ACVR1C: variants seen among roughly 807,000 people sequenced by gnomAD.
ACVR1C encodes the protein activin A receptor type 1C, also known as activin receptor type-1C.
Under a neutral mutation model 57.9 loss-of-function variants are expected in ACVR1C, and 23 were observed. That is an observed-to-expected ratio of 0.40 (90% CI 0.29 to 0.56). ACVR1C has a LOEUF of 0.56. ACVR1C is among the 20% of genes least tolerant of loss of function. The probability of loss-of-function intolerance (pLI) is 0.50; values close to 1 mark genes in which losing one functional copy is unlikely to be tolerated. For missense variants in ACVR1C, 480 were observed against 607.9 expected, an observed-to-expected ratio of 0.79 and a Z score of 2.21; for synonymous variants, 214 against 215.3, an observed-to-expected ratio of 0.99 and a Z score of 0.05.
chr2:157,615,897 G>T (rs1291156882), intron 1 of ACVR1C, among the ~76,000 whole-genome samples: 1 of 152,142 alleles, frequency 6.6e-6, no homozygotes, highest in Non-Finnish European at 1.5e-5. Context: ...TATGTAAGAG[G>T]TATTTTTTAA....
At chr2:157,552,363 C>T (rs1457102147) in intron 3 of ACVR1C, among the ~76,000 whole-genome samples, 1 of 152,148 alleles carries the variant, frequency 6.6e-6, no homozygotes, top group Non-Finnish European at 1.5e-5. Flanking sequence ...GAACTCCTGA[C>T]CTCAAGTGAT....
intron 1 of ACVR1C, among the ~76,000 whole-genome samples, chr2:157,609,649 T>C (rs1380905382): frequency 1.3e-5 from 2 of 151,900 alleles, no homozygotes; most frequent in African/African-American, 2.4e-5. Flanking sequence ...TCTGGGTACA[T>C]ACATACTTAG....
At chr2:157,541,267 T>A in intron 6 of ACVR1C, 53 bp from the exon 7 acceptor site, 1 of 1,544,646 alleles carries the variant, frequency 6.5e-7, no homozygotes, top group Non-Finnish European at 8.7e-7. Context: ...AGCAGTCCAG[T>A]AAAACAATCT....
At chr2:157,617,003 T>C (rs1682667890) in intron 1 of ACVR1C, among the ~76,000 whole-genome samples, 1 of 152,058 alleles carries the variant, frequency 6.6e-6, no homozygotes, top group Non-Finnish European at 1.5e-5. Flanking sequence ...AACATCTTAA[T>C]TACTGTCCAA....
chr2:157,538,801 C>G (rs1687548769), intron 7 of ACVR1C, 98 bp from the exon 8 acceptor site: 7 of 1,000,890 alleles, frequency 7.0e-6, no homozygotes, highest in Non-Finnish European at 8.0e-6. Context: ...ACAAGTGACA[C>G]CCCAGGGAAC....
chr2:157,548,973 T>C (rs1687839861), intron 4 of ACVR1C, among the ~76,000 whole-genome samples: 1 of 152,200 alleles, frequency 6.6e-6, no homozygotes, highest in Non-Finnish European at 1.5e-5. Flanking sequence ...CCTAACAAAG[T>C]TGAACATTCA....
At chr2:157,589,169 T>C (rs1689003608) in intron 1 of ACVR1C, among the ~76,000 whole-genome samples, 1 of 151,844 alleles carries the variant, frequency 6.6e-6, no homozygotes, top group African/African-American at 2.4e-5. Flanking sequence ...AAGCATTTGC[T>C]TTTCACCATA....
At chr2:157,551,312 A>G (rs548188225) in intron 3 of ACVR1C, among the ~76,000 whole-genome samples, 1 of 152,316 alleles carries the variant, frequency 6.6e-6, no homozygotes, top group South Asian at 2.1e-4. Context: ...ATTAATAAGC[A>G]TGTTCAGCAC....
chr2:157,566,903 T>A (rs538452566), intron 2 of ACVR1C, among the ~76,000 whole-genome samples: 1 of 150,522 alleles, frequency 6.6e-6, no homozygotes, highest in African/African-American at 2.4e-5. Context: ...AGGCTCCACC[T>A]CTGGGGGCAG....
intron 1 of ACVR1C, among the ~76,000 whole-genome samples, chr2:157,601,633 C>A (rs749731057): frequency 6.6e-6 from 1 of 152,120 alleles, no homozygotes; most frequent in South Asian, 2.1e-4. Context: ...AAGAAACAAA[C>A]GAAAACCTTG....
intron 1 of ACVR1C, among the ~76,000 whole-genome samples, chr2:157,596,503 G>A (rs1378082406): frequency 3.9e-5 from 6 of 152,086 alleles, no homozygotes; most frequent in Admixed American, 6.5e-5. Flanking sequence ...TATGCATAGT[G>A]ATGTTCTCAT....
At chr2:157,576,079 A>G (rs1249022215) in intron 2 of ACVR1C, among the ~76,000 whole-genome samples, 1 of 152,048 alleles carries the variant, frequency 6.6e-6, no homozygotes, top group Non-Finnish European at 1.5e-5. Flanking sequence ...AATAATTATA[A>G]ATGTCCATGT....
At position 157,550,380 on chromosome 2, in the gene ACVR1C, A is replaced by T; in HGVS notation, c.557T>A (p.Leu186Ter). Reference protein sequence around the residue: ...ASGSGSGLPLLVQRTIARTIV... With the variant: ...ASGSGSGLPL ...CGTCCTTGCAATTGTCCTTTGAACC[A>T]ACAGAGGTAGACCTAACCAAAGAAA... The change falls in exon 4 of 9, where the codon TTG becomes TAG. Residue 186 changes from leucine to a stop codon, truncating the protein, a stop_gained. Transcript: ENST00000243349. LOFTEE classifies it high-confidence loss of function. The T allele has an allele frequency of 6.2e-7, 1 of 1,614,170 alleles. No individual in the cohort carries two copies. Among genetic ancestry groups the T allele is most frequent in the Non-Finnish European group, 8.5e-7 (1 of 1,180,010 alleles).
chr2:157,541,914 AATTTT>A (rs1328856571), intron 6 of ACVR1C, among the ~76,000 whole-genome samples: 1 of 152,210 alleles, frequency 6.6e-6, no homozygotes, highest in Non-Finnish European at 1.5e-5. Flanking sequence ...TGAACTCTGG[AATTTT>A]GCCAAAGTAA....
intron 1 of ACVR1C, 81 bp downstream of exon 1, chr2:157,628,491 G>A: frequency 6.8e-7 from 1 of 1,475,934 alleles, no homozygotes; most frequent in Non-Finnish European, 9.3e-7. Flanking sequence ...AGCACCCCCT[G>A]TCCCCCACCC....
intron 2 of ACVR1C, among the ~76,000 whole-genome samples, chr2:157,574,905 G>A (rs1222124503): frequency 6.6e-6 from 1 of 152,114 alleles, no homozygotes; most frequent in Non-Finnish European, 1.5e-5. Context: ...TCCAACCTTT[G>A]CATCCAGGCA....
chr2:157,546,717 AAAAGAG>A (rs1263296069), intron 4 of ACVR1C, among the ~76,000 whole-genome samples: 6 of 152,218 alleles, frequency 3.9e-5, no homozygotes, highest in Admixed American at 6.5e-5. Context: ...TTCGTAAAAA[AAAAGAG>A]AAAAAGCATA....
intron 2 of ACVR1C, among the ~76,000 whole-genome samples, chr2:157,583,515 T>A (rs1281506720): frequency 1.3e-5 from 2 of 152,208 alleles, no homozygotes; most frequent in Non-Finnish European, 2.9e-5. Flanking sequence ...GTAGAAATTG[T>A]CAAGTGGATT....
chr2:157,624,808 A>G (rs1682864757), intron 1 of ACVR1C, among the ~76,000 whole-genome samples: 1 of 152,236 alleles, frequency 6.6e-6, no homozygotes, highest in Non-Finnish European at 1.5e-5. Flanking sequence ...GGAATGGTTT[A>G]TCTCACAACA....
Sources: allele counts gnomAD v4.1 joint callset (sites outside exome capture counted in the v4.1 genomes callset), GRCh38; gene constraint gnomAD v4.1.1; transcripts MANE v1.5; gene names NCBI Gene and HGNC (gene_info 2026-07-23, HGNC 2026-07-21).